Variants in PCDHA2 observed in about 807,000 individuals in gnomAD.
The protein encoded by PCDHA2 is protocadherin alpha-2.
PCDHA2 carries 58 observed loss-of-function variants against 66.0 expected under a neutral mutation model. The ratio of observed to expected loss-of-function variants is 0.88; its 90% CI spans 0.71 to 1.09. The LOEUF is 1.09. Ranked by LOEUF, PCDHA2 falls within the 50% of genes least tolerant of loss-of-function variation. The probability of loss-of-function intolerance (pLI) is 0.00; values close to 1 mark genes in which losing one functional copy is unlikely to be tolerated. For missense variants in PCDHA2, 1,267 were observed against 1,242.3 expected, an observed-to-expected ratio of 1.02 and a Z score of -0.30; for synonymous variants, 634 against 554.0, an observed-to-expected ratio of 1.14 and a Z score of -2.03.
At chr5:141,000,011 C>T (rs548995159) in intron 3 of PCDHA2, among the ~76,000 whole-genome samples, 1 of 152,166 alleles carries the variant, frequency 6.6e-6, no homozygotes, top group East Asian at 1.9e-4. Flanking sequence ...TTGGCCTCCC[C>T]ATTGCTAAGC....
At chr5:140,883,521 T>C in intron 1 of PCDHA2, 2 of 1,614,202 alleles carry the variant, frequency 1.2e-6, no homozygotes, top group Non-Finnish European at 1.7e-6. Flanking sequence ...CGCGAGAGCG[T>C]ATCAGCCTAT....
chr5:140,802,847 G>C, intron 1 of PCDHA2: 1 of 1,613,552 alleles, frequency 6.2e-7, no homozygotes, highest in Non-Finnish European at 8.5e-7. Flanking sequence ...GCAACGTGAC[G>C]CTGCAGGTGT....
At chr5:140,884,634 G>A in intron 1 of PCDHA2, 1 of 1,612,414 alleles carries the variant, frequency 6.2e-7, no homozygotes, top group Non-Finnish European at 8.5e-7. Context: ...ACAGGCCAGA[G>A]GGAGGAGGAC....
intron 1 of PCDHA2, chr5:140,835,174 C>T (rs1773498411): frequency 1.3e-6 from 2 of 1,503,684 alleles, no homozygotes; most frequent in Non-Finnish European, 1.8e-6. Context: ...GTGATTCACC[C>T]CAATGCCTCA....
chr5:140,940,076 T>C (rs1469877434), intron 1 of PCDHA2, among the ~76,000 whole-genome samples: 2 of 152,230 alleles, frequency 1.3e-5, no homozygotes, highest in Non-Finnish European at 2.9e-5. Flanking sequence ...ATGTGATATC[T>C]TTCTGCTAAA....
chr5:140,953,099 G>A lies in PCDHA2; in HGVS notation c.2389-25850G>A, dbSNP rs1554220803. On this transcript the variant is annotated intron_variant, in intron 1 of 3. Transcript: ENST00000526136. ...CATTGGGGATTACAATTTGACATGA[G>A]ATTTGGGCAGGGACACAGATCTAAA... Among the ~76,000 whole-genome samples, 7 of 152,256 alleles carry A rather than the reference G, an allele frequency of 4.6e-5. 1 individual carries two copies. Among genetic ancestry groups the A allele is most frequent in the South Asian group, 2.1e-4 (1 of 4,828 alleles).
chr5:140,953,467 C>T (rs952334269), intron 1 of PCDHA2, among the ~76,000 whole-genome samples: 1 of 152,090 alleles, frequency 6.6e-6, no homozygotes, highest in African/African-American at 2.4e-5. Context: ...AGAGTTTTAA[C>T]TTCCTCATGC....
At chr5:140,969,819 A>G (rs2096362307) in intron 1 of PCDHA2, among the ~76,000 whole-genome samples, 1 of 152,168 alleles carries the variant, frequency 6.6e-6, no homozygotes, top group African/African-American at 2.4e-5. Context: ...TATACTCTGG[A>G]CTGTCTACAG....
At chr5:140,946,287 A>G (rs1484519782) in intron 1 of PCDHA2, among the ~76,000 whole-genome samples, 1 of 152,032 alleles carries the variant, frequency 6.6e-6, no homozygotes, top group African/African-American at 2.4e-5. Flanking sequence ...ATGAGATATC[A>G]CCTCACACCT....
At chr5:140,807,546 A>G (rs782531959) in intron 1 of PCDHA2, 11 of 1,614,016 alleles carry the variant, frequency 6.8e-6, no homozygotes, top group African/African-American at 1.3e-5. Context: ...TTCCATGTGG[A>G]CGTGGAGGTG....
intron 1 of PCDHA2, among the ~76,000 whole-genome samples, chr5:140,798,053 C>T (rs550492381): frequency 1.3e-5 from 2 of 152,126 alleles, no homozygotes; most frequent in African/African-American, 4.8e-5. Context: ...TTAGTAGAGA[C>T]GGGGTTGGTC....
chr5:140,954,016 A>G (rs246027), intron 1 of PCDHA2, among the ~76,000 whole-genome samples: 85,628 of 151,968 alleles, frequency 0.56, 24,747 homozygotes, highest in African/African-American at 0.69. Context: ...GCTCCCACAC[A>G]TAGTGGGACG....
chr5:140,800,952 A>T, intron 1 of PCDHA2: 1 of 1,119,456 alleles, frequency 8.9e-7, no homozygotes, highest in South Asian at 2.8e-5. Flanking sequence ...CAAACGACAT[A>T]CAAGGAAAAG....
intron 1 of PCDHA2, among the ~76,000 whole-genome samples, chr5:140,890,852 C>G (rs2153432069): frequency 6.6e-6 from 1 of 152,254 alleles, no homozygotes; most frequent in South Asian, 2.1e-4. Flanking sequence ...TGTTTCTCTT[C>G]CTTACTTCTT....
Position 140,997,511 on chromosome 5 carries a change from G to A in PCDHA2, c.2537-12116G>A, listed in dbSNP as rs565737825. Among the ~76,000 whole-genome samples, 79 of 152,108 alleles carry A rather than the reference G, an allele frequency of 5.2e-4. No individual in the cohort carries two copies. In the South Asian group the frequency reaches 1.0e-2, roughly 19 times the overall value. ...TTTGTGTATCTCAACATACCTAAACGCAGAAAAAGTACAATAAAAATACAT... is the reference window on the plus strand; with the variant it reads ...TTTGTGTATCTCAACATACCTAAACACAGAAAAAGTACAATAAAAATACAT... On this transcript the variant is annotated intron_variant, in intron 3 of 3. Transcript: ENST00000526136.
At chr5:140,870,630 G>A (rs2052239024) in intron 1 of PCDHA2, 15 of 1,613,008 alleles carry the variant, frequency 9.3e-6, no homozygotes, top group Non-Finnish European at 1.3e-5. Context: ...ACGTGTCGGT[G>A]CACGCGGAGA....
At chr5:140,827,880 A>G in intron 1 of PCDHA2, 1 of 665,040 alleles carries the variant, frequency 1.5e-6, no homozygotes, top group Non-Finnish European at 2.6e-6. Context: ...TGTTACGTGA[A>G]TTGATTTCTT....
At chr5:140,972,276 A>G (rs1471308188) in intron 1 of PCDHA2, among the ~76,000 whole-genome samples, 1 of 150,442 alleles carries the variant, frequency 6.6e-6, no homozygotes, top group Non-Finnish European at 1.5e-5. Flanking sequence ...AGTAGCTTGG[A>G]CCATAGATGT....
chr5:140,978,820 TG>T, intron 1 of PCDHA2, 128 bp from the exon 2 acceptor site: 2 of 1,517,498 alleles, frequency 1.3e-6, no homozygotes, highest in Non-Finnish European at 1.8e-6. Flanking sequence ...GAGTTACACA[TG>T]AAATGGCTCA....
Sources: allele counts gnomAD v4.1 joint callset (sites outside exome capture counted in the v4.1 genomes callset), GRCh38; gene constraint gnomAD v4.1.1; transcripts MANE v1.5; gene names NCBI Gene and HGNC (gene_info 2026-07-23, HGNC 2026-07-21).